Variants in NLRP13 observed in about 807,000 individuals in gnomAD.
The protein encoded by NLRP13 is NLR family pyrin domain containing 13.
In NLRP13, 82 loss-of-function variants were observed where a neutral mutation model predicts 94.4. The observed-to-expected ratio is 0.87, with a 90% CI of 0.73 to 1.04. The LOEUF (loss-of-function observed/expected upper bound fraction) is 1.04, where lower values mean the gene tolerates loss of function less well. NLRP13 is among the 50% of genes least tolerant of loss of function. NLRP13 has a pLI of 0.00. For synonymous variants in NLRP13, 553 were observed against 464.7 expected (o/e 1.19, Z -2.45); for missense variants, 1,426 against 1,230.8 (o/e 1.16, Z -2.37).
At position 55,910,716 on chromosome 19, in the gene NLRP13, G is replaced by A; in HGVS notation, c.2129C>T (p.Ser710Phe). Residue 710 changes from serine to phenylalanine, a missense_variant, in exon 6 of 11, where the codon TCC becomes TTC. Ser to Phe is a radical substitution (Grantham distance 155). Transcript: ENST00000342929. ...LEILETSKFD[S>F]RMHAWNSICS... Reference sequence around the variant, plus strand: ...AATGCTGTTCCATGCGTGCATCCTGGAATCAAACTTGCTTGTCCTTCATGA... The same window carrying A: ...AATGCTGTTCCATGCGTGCATCCTGAAATCAAACTTGCTTGTCCTTCATGA... 6.2e-7 allele frequency: 1 copy of A among 1,607,768 alleles called. No individual in the cohort carries two copies. Among genetic ancestry groups the A allele is most frequent in the Non-Finnish European group, 8.5e-7 (1 of 1,175,270 alleles).
intron 5 of NLRP13, among the ~76,000 whole-genome samples, chr19:55,911,115 C>G (rs1316095509): frequency 6.6e-6 from 1 of 152,130 alleles, no homozygotes; most frequent in East Asian, 1.9e-4. Flanking sequence ...GCTGACAGCT[C>G]TCAGCATTGT....
At chr19:55,931,965 T>TC (rs749604709) in intron 1 of NLRP13, 28 bp downstream of exon 1, 295 of 1,607,518 alleles carry the variant, frequency 1.8e-4, no homozygotes, top group Middle Eastern at 2.1e-4. Flanking sequence ...CAAGCAGCCC[T>TC]CCCGCCTTCC....
chr19:55,892,147 T>C (rs980039627), downstream of NLRP13: 3 of 1,231,494 alleles, frequency 2.4e-6, no homozygotes, highest in Non-Finnish European at 3.0e-6. Flanking sequence ...TACTGAAGTT[T>C]AGAAGCAGTG....
At chr19:55,910,834 T>C in intron 5 of NLRP13, 101 bp from the exon 6 acceptor site, 1 of 1,058,834 alleles carries the variant, frequency 9.4e-7, no homozygotes, top group Non-Finnish European at 1.3e-6. Context: ...AACAAAATTA[T>C]TATAATTTTC....
chr19:55,904,638 C>T (rs979608045), intron 8 of NLRP13, among the ~76,000 whole-genome samples: 2 of 152,158 alleles, frequency 1.3e-5, no homozygotes, highest in African/African-American at 4.8e-5. Flanking sequence ...TCTGTCATAT[C>T]TACCACCCCA....
At chr19:55,920,888 G>GTGTATGTA (rs913510666) in intron 4 of NLRP13, among the ~76,000 whole-genome samples, 1 of 151,896 alleles carries the variant, frequency 6.6e-6, no homozygotes, top group Non-Finnish European at 1.5e-5. Flanking sequence ...AGAAAATGTG[G>GTGTATGTA]TGTATGTATG....
chr19:55,896,213 T>A, intron 10 of NLRP13, 94 bp from the exon 11 acceptor site: 1 of 1,369,710 alleles, frequency 7.3e-7, no homozygotes, highest in Non-Finnish European at 1.0e-6. Context: ...AAACTATTAC[T>A]AAAGCAGACT....
In NLRP13 at chr19:55,903,692, G is replaced by A. The variant is rs537773408; in HGVS notation, c.2618+1250C>T. Among the ~76,000 whole-genome samples, 4 of 152,076 alleles carry A rather than the reference G, an allele frequency of 2.6e-5. No homozygotes were observed. The East Asian group carries it at 7.7e-4, about 29-fold the overall frequency. On this transcript the variant is annotated intron_variant, in intron 8 of 10. Coordinates refer to ENST00000342929, the MANE Select transcript of NLRP13 (RefSeq NM_176810.2). Reference sequence around the variant, plus strand: ...GAATGGTCCCACCCTTTACCTAGCTGCCAACCTCACCCTCTGGGAGGTGTT... The same window carrying A: ...GAATGGTCCCACCCTTTACCTAGCTACCAACCTCACCCTCTGGGAGGTGTT...
intron 4 of NLRP13, among the ~76,000 whole-genome samples, chr19:55,921,798 G>T (rs1986835051): frequency 1.3e-5 from 2 of 152,136 alleles, no homozygotes; most frequent in African/African-American, 4.8e-5. Flanking sequence ...CACAGAGTTG[G>T]AGATGAGAGT....
intron 9 of NLRP13, among the ~76,000 whole-genome samples, chr19:55,900,797 A>T (rs1986148200): frequency 1.4e-5 from 2 of 138,330 alleles, no homozygotes; most frequent in South Asian, 4.9e-4. Context: ...AAAAATCTAG[A>T]ACCAGGAATC....
chr19:55,913,261 C>G lies in NLRP13; in HGVS notation c.556G>C (p.Ala186Pro). Residue 186 changes from alanine (A) to proline (P), a missense_variant, in exon 5 of 11, where the codon GCT becomes CCT. Physicochemically the swap from Ala to Pro is conservative, Grantham distance 27. Transcript: ENST00000342929. ...TTGTCCCATGTCTCCAGTAGTTCAG[C>G]CTTCATGTTCTCTCTGTATTTTCTT... ...HRRKYRENMK[A>P]ELLETWDNIS... 5 of 1,613,982 alleles carry G rather than the reference C, an allele frequency of 3.1e-6. No individual in the cohort carries two copies. The South Asian group carries it at 3.3e-5, about 11-fold the overall frequency.
intron 6 of NLRP13, among the ~76,000 whole-genome samples, chr19:55,909,492 A>C (rs1198281290): frequency 6.6e-6 from 1 of 152,052 alleles, no homozygotes; most frequent in African/African-American, 2.4e-5. Context: ...AAAGACATAC[A>C]CATCAAATGC....
In NLRP13 at chr19:55,932,272, T is replaced by C; in HGVS notation, c.40A>G (p.Asn14Asp). 1 of 1,610,526 alleles carries C rather than the reference T, an allele frequency of 6.2e-7. No individual in the cohort carries two copies. Among genetic ancestry groups the C allele is most frequent in the South Asian group, 1.1e-5 (1 of 90,406 alleles). The change falls in exon 1 of 11, where the codon AAC becomes GAC. Residue 14 changes from asparagine to aspartate, a missense_variant. By Grantham distance (23) the Asn-to-Asp change is conservative (BLOSUM62 1). Coordinates refer to ENST00000342929, the MANE Select transcript of NLRP13 (RefSeq NM_176810.2). ...SVITCPNGGTNQGLLPYLMAL... is the reference protein window; with the variant it reads ...SVITCPNGGTDQGLLPYLMAL... Reference sequence around the variant, plus strand: ...ATCAGGTAAGGCAGAAGCCCTTGGTTGGTACCACCGTTGGGGCAGGTGATT... The same window carrying C: ...ATCAGGTAAGGCAGAAGCCCTTGGTCGGTACCACCGTTGGGGCAGGTGATT...
At chr19:55,910,873 C>T in intron 5 of NLRP13, 140 bp from the exon 6 acceptor site, 1 of 650,800 alleles carries the variant, frequency 1.5e-6, no homozygotes, top group Non-Finnish European at 2.5e-6. Flanking sequence ...GTGGCTCACG[C>T]CTGTAATCCC....
chr19:55,913,307 A>G lies in NLRP13; in HGVS notation c.524-14T>C. 3 of 1,603,828 alleles carry G rather than the reference A, an allele frequency of 1.9e-6. No homozygotes were observed. Among genetic ancestry groups the G allele is most frequent in the Non-Finnish European group, 8.5e-7 (1 of 1,174,318 alleles). On this transcript the variant is annotated splice_polypyrimidine_tract_variant and intron_variant, in intron 4 of 10. Coordinates refer to ENST00000342929, the MANE Select transcript of NLRP13 (RefSeq NM_176810.2). ...TTCTTCTGTGGTCTAGAGAGGGCGG[A>G]GTGGGGAGAAGAATGGTAAGAATAA...
At position 55,932,082 on chromosome 19, in the gene NLRP13, G is replaced by T; in HGVS notation, c.230C>A (p.Pro77Gln). 1 of 1,614,130 alleles carries T rather than the reference G, an allele frequency of 6.2e-7. No individual in the cohort carries two copies. ...NLSFLLDEHFPKGQAWKVVLG... is the reference protein window; with the variant it reads ...NLSFLLDEHFQKGQAWKVVLG... The stretch of plus-strand genomic sequence containing the variant: ...GACCACTTTCCATGCCTGACCTTTT[G>T]GGAAGTGTTCATCCAAAAGAAAGGA... The change falls in exon 1 of 11, where the codon CCA (proline) becomes CAA (glutamine). Residue 77 changes from proline to glutamine, a missense_variant. By Grantham distance (76) the Pro-to-Gln change is moderately conservative (BLOSUM62 -1). Transcript: ENST00000342929.
In NLRP13 at chr19:55,931,718, A is replaced by AGACAGAAAGAAAGAAAGAAAGAAAG; in HGVS notation, c.319+274_319+275insCTTTCTTTCTTTCTTTCTTTCTGTC. Among the ~76,000 whole-genome samples the AGACAGAAAGAAAGAAAGAAAGAAAG allele has an allele frequency of 9.8e-3, 920 of 93,966 alleles. 28 individuals carry two copies. Among genetic ancestry groups the AGACAGAAAGAAAGAAAGAAAGAAAG allele is most frequent in the East Asian group, 0.017 (50 of 2,866 alleles). 61.6% of individuals were successfully genotyped at this position (93,966 alleles called of 152,430 possible). On this transcript the variant is annotated intron_variant, in intron 1 of 10. Transcript: ENST00000342929. ...AGTGGAGACTCAGGCTCAAAAAAAAAAAAAAAAGAAAGAAAGAAAGAAAGA... is the reference window on the plus strand; with the variant it reads ...AGTGGAGACTCAGGCTCAAAAAAAAAGACAGAAAGAAAGAAAGAAAGAAAGAAAAAAAGAAAGAAAGAAAGAAAGA...
In NLRP13 at chr19:55,912,983, T is replaced by C. The variant is rs1242364169; in HGVS notation, c.834A>G (p.Glu278=). ...LSCHKIRYMK[E]TTFAELISLD... is the part of the protein sequence containing the mutation. ...AAGAAATCAATTCAGCAAAGGTAGT[T>C]TCCTTCATGTACCTTATTTTATGGC... The change falls in exon 5 of 11, where the codon GAA becomes GAG. Residue 278 remains glutamate (E), a synonymous_variant. Transcript: ENST00000342929. The C allele has an allele frequency of 6.2e-7, 1 of 1,614,106 alleles. No homozygotes were observed. Among genetic ancestry groups the C allele is most frequent in the East Asian group, 2.2e-5 (1 of 44,874 alleles).
Position 55,912,841 on chromosome 19 carries a change from A to G in NLRP13, c.976T>C (p.Leu326=). Residue 326 remains leucine, a synonymous_variant, in exon 5 of 11, where the codon TTG becomes CTG. Transcript: ENST00000342929. ...IIISESRSES[L]DDGSPCTDWY... ...TCTGTACATGGCGAGCCATCATCCA[A>G]GCTCTCAGAGCGTGACTCAGATATG... The G allele has an allele frequency of 1.2e-6, 2 of 1,614,172 alleles. No homozygotes were observed. The highest frequency in any genetic ancestry group is 1.7e-6 in the Non-Finnish European group (2 of 1,180,022).
Sources: gnomAD v4.1 joint callset for allele counts (sites outside exome capture counted in the v4.1 genomes callset) on GRCh38, gnomAD v4.1.1 for gene constraint, MANE v1.5 for transcripts, NCBI Gene and HGNC (gene_info 2026-07-23, HGNC 2026-07-21) for gene names.